Variants in MTHFD1 observed in about 807,000 individuals in gnomAD.
The protein encoded by MTHFD1 is C-1-tetrahydrofolate synthase, cytoplasmic.
In MTHFD1, 44 loss-of-function variants were observed where a neutral mutation model predicts 110.3. The ratio of observed to expected loss-of-function variants is 0.40; its 90% confidence interval spans 0.31 to 0.51. MTHFD1 has a LOEUF of 0.51. MTHFD1 is among the 20% of genes least tolerant of loss of function. MTHFD1 has a pLI of 0.60. For missense variants in MTHFD1, 909 were observed against 1,173.1 expected (o/e 0.77, Z 3.29); for synonymous variants, 402 against 428.8 (o/e 0.94, Z 0.77).
intron 21 of MTHFD1, 141 bp downstream of exon 21, chr14:64,442,543 G>C: frequency 5.6e-6 from 5 of 894,440 alleles, no homozygotes; most frequent in South Asian, 4.7e-5. Flanking sequence ...CGGGCAGACA[G>C]CCCTTGTGTT....
intron 2 of MTHFD1, among the ~76,000 whole-genome samples, chr14:64,407,576 G>A (rs982731272): frequency 1.6e-4 from 18 of 113,712 alleles, no homozygotes; most frequent in Middle Eastern, 7.1e-3. Flanking sequence ...TCAGAATCTT[G>A]TTCTGTCATG....
chr14:64,445,060 A>G (rs551570384), intron 22 of MTHFD1: 1 of 383,538 alleles, frequency 2.6e-6, no homozygotes, highest in South Asian at 2.1e-5. Flanking sequence ...GGGGAGTGCT[A>G]CTGGAATCTA....
chr14:64,458,643 T>A (rs79790885), intron 27 of MTHFD1: 925 of 383,042 alleles, frequency 2.4e-3, no homozygotes, highest in Non-Finnish European at 3.7e-3. Context: ...GGGTTCAGAG[T>A]TGATGACACA....
At chr14:64,439,828 A>G (rs571020090) in intron 17 of MTHFD1, among the ~76,000 whole-genome samples, 194 of 139,170 alleles carry the variant, frequency 1.4e-3, no homozygotes, top group Admixed American at 3.5e-3. Context: ...CAGGAGGTGG[A>G]TGTTGCATTG....
At chr14:64,449,343 G>A (rs1181740589) in intron 23 of MTHFD1, 102 bp from the exon 24 acceptor site, 19 of 1,372,758 alleles carry the variant, frequency 1.4e-5, no homozygotes, top group East Asian at 1.4e-4. Flanking sequence ...GTTAGTGTTC[G>A]TTTATCAGTG....
At chr14:64,413,988 C>T (rs1315355702) in intron 4 of MTHFD1, among the ~76,000 whole-genome samples, 1 of 152,126 alleles carries the variant, frequency 6.6e-6, no homozygotes, top group Non-Finnish European at 1.5e-5. Flanking sequence ...AGCCACCATG[C>T]CCAGCTAATT....
Position 64,425,632 on chromosome 14 carries a change from T to G in MTHFD1, c.856-98T>G. On this transcript the variant is annotated intron_variant, in intron 9 of 27. Transcript: ENST00000652337. ...TGGTAATAAGTGGGTCTGAAGCAGT[T>G]CATTTTGTGATTGAACTGGAGTGAC... The G allele has an allele frequency of 5.0e-6, 5 of 995,884 alleles. No homozygotes were observed. The Admixed American group carries it at 8.5e-5, about 17-fold the overall frequency. The allele number at this position is 995,884 out of a possible 1,614,324, so 61.7% of individuals were successfully genotyped here.
rs1488776652 is a variant in MTHFD1, at chr14:64,442,322, C to T, written c.2056C>T (p.Arg686Trp). ...GGAAAAGTTTTTTAACATCAAATGCCGGTATTCCGGCCTCTGCCCCCACGT... is the reference window on the plus strand; with the variant it reads ...GGAAAAGTTTTTTAACATCAAATGCTGGTATTCCGGCCTCTGCCCCCACGT... ...GMEKFFNIKCRYSGLCPHVVV... is the reference protein window; with the variant it reads ...GMEKFFNIKCWYSGLCPHVVV... Residue 686 changes from arginine to tryptophan, a missense_variant, in exon 21 of 28, where the codon CGG (arginine) becomes TGG (tryptophan). Transcript: ENST00000652337. 1.2e-5 allele frequency: 20 copies of T among 1,614,022 alleles called. No homozygotes were observed. Among genetic ancestry groups the T allele is most frequent in the Admixed American group, 5.0e-5 (3 of 59,998 alleles).
chr14:64,432,590 G>C (rs1596547956), intron 15 of MTHFD1, among the ~76,000 whole-genome samples: 1 of 152,212 alleles, frequency 6.6e-6, no homozygotes, highest in Non-Finnish European at 1.5e-5. Context: ...TATGCTGGGT[G>C]AAAGAAGCCA....
intron 2 of MTHFD1, among the ~76,000 whole-genome samples, chr14:64,409,895 G>A (rs1356209947): frequency 2.0e-5 from 3 of 152,018 alleles, no homozygotes; most frequent in South Asian, 2.1e-4. Context: ...TACAAAAGCC[G>A]GCTTCTTTCT....
intron 25 of MTHFD1, 51 bp downstream of exon 25, chr14:64,453,912 G>T: frequency 8.5e-7 from 1 of 1,182,384 alleles, no homozygotes; most frequent in South Asian, 1.3e-5. Context: ...GCAGGACTTG[G>T]AGTCACAATC....
At chr14:64,459,689 G>T in intron 27 of MTHFD1, 70 bp from the exon 28 acceptor site, 4 of 1,334,618 alleles carry the variant, frequency 3.0e-6, no homozygotes, top group Non-Finnish European at 4.1e-6. Context: ...TAATGGTGCA[G>T]TATGGAAGGA....
At chr14:64,450,946 T>G (rs2078361975) in intron 24 of MTHFD1, among the ~76,000 whole-genome samples, 1 of 152,090 alleles carries the variant, frequency 6.6e-6, no homozygotes, top group Non-Finnish European at 1.5e-5. Context: ...GGTGGGTGGA[T>G]CACCTAAGGT....
Position 64,440,941 on chromosome 14 carries a change from C to T in MTHFD1, c.1816-444C>T, listed in dbSNP as rs11628396. ...GCGTGGTGGCTCATGCCTGTAATCC[C>T]AGCACTTTGGGAGGCTGAGGCGGGT... On this transcript the variant is annotated intron_variant, in intron 18 of 27. Transcript: ENST00000652337. 4 of 268,780 alleles carry T rather than the reference C, an allele frequency of 1.5e-5. No homozygotes were observed. In the South Asian group the frequency reaches 1.7e-4, roughly 11 times the overall value. The allele number at this position is 268,780 out of a possible 1,614,324, so 16.6% of individuals were successfully genotyped here.
chr14:64,397,172 T>G (rs1266465546), intron 1 of MTHFD1, among the ~76,000 whole-genome samples: 13 of 22,236 alleles, frequency 5.8e-4, no homozygotes, highest in African/African-American at 2.8e-3. Flanking sequence ...TATATATATA[T>G]ATATATATAT....
rs1288186236 is a variant in MTHFD1 at position 64,417,045 on chromosome 14, A to T, written c.479-843A>T. On this transcript the variant is annotated intron_variant, in intron 6 of 27. Coordinates refer to ENST00000652337, the MANE Select transcript of MTHFD1 (RefSeq NM_005956.4). The surrounding 1 kb of genome is among the most constrained non-coding windows in gnomAD (Gnocchi z 4.4). ...CTTTGAGCAAGGGTCCACTGCCCTC[A>T]GCCTTGACTGCCCTGAGGACTCTGA... Among the ~76,000 whole-genome samples the T allele has an allele frequency of 1.3e-5, 2 of 152,226 alleles. 1 individual carries two copies. Among genetic ancestry groups the T allele is most frequent in the Non-Finnish European group, 2.9e-5 (2 of 68,032 alleles).
Position 64,419,817 on chromosome 14 carries a change from A to G in MTHFD1, c.619A>G (p.Asn207Asp), listed in dbSNP as rs1336926811. 6.2e-7 allele frequency: 1 copy of G among 1,611,228 alleles called. No homozygotes were observed. Among genetic ancestry groups the G allele is most frequent in the Non-Finnish European group, 8.5e-7 (1 of 1,177,338 alleles). ...SKTAHLDEEV[N>D]KGDILVVATG... Reference sequence around the variant, plus strand: ...TGTCCAAATCCCCTACCCCTAGGTAAATAAAGGTGACATCCTGGTGGTTGC... The same window carrying G: ...TGTCCAAATCCCCTACCCCTAGGTAGATAAAGGTGACATCCTGGTGGTTGC... The change falls in exon 8 of 28, where the codon AAT becomes GAT. Residue 207 changes from asparagine (N) to aspartate (D), a missense_variant. Around this residue, in one of 3 missense-constraint regions of MTHFD1, gnomAD observed 424 missense variants for 510.4 expected, o/e 0.83. Transcript: ENST00000652337.
chr14:64,407,220 C>CTT (rs2077942313), intron 2 of MTHFD1, among the ~76,000 whole-genome samples: 1 of 152,110 alleles, frequency 6.6e-6, no homozygotes, highest in South Asian at 2.1e-4. Context: ...AATCCCACCA[C>CTT]TTTAGGAGGC....
Position 64,411,168 on chromosome 14 carries a change from T to G in MTHFD1, c.186+19T>G. On this transcript the variant is annotated intron_variant, in intron 3 of 27. Transcript: ENST00000652337. ...TGAAGAGGTAACGCCAGAAGAGCTG[T>G]GCCATCACCCTCCCCAACCTCCACC... The G allele has an allele frequency of 1.9e-6, 3 of 1,604,758 alleles. No homozygotes were observed. The highest frequency in any genetic ancestry group is 2.6e-6 in the Non-Finnish European group (3 of 1,173,198).
Sources: gnomAD v4.1 joint callset for allele counts (sites outside exome capture counted in the v4.1 genomes callset) on GRCh38, gnomAD v4.1.1 for gene constraint, gnomAD v4.1.1 regional missense constraint, Gnocchi (gnomAD v3.1) non-coding constraint, MANE v1.5 for transcripts, NCBI Gene and HGNC (gene_info 2026-07-23, HGNC 2026-07-21) for gene names.